SPNS3: variants seen among roughly 807,000 people sequenced by gnomAD.
SPNS3 encodes SPNS lysolipid transporter 3, sphingosine-1-phosphate (putative), also known as protein spinster homolog 3.
Under a neutral mutation model 54.4 loss-of-function variants are expected in SPNS3, and 51 were observed. The observed-to-expected ratio is 0.94, with a 90% confidence interval of 0.75 to 1.18. SPNS3 has a LOEUF of 1.18. SPNS3 is among the 50% of genes most tolerant of loss of function. SPNS3 has a pLI of 0.00. For synonymous variants in SPNS3, 309 were observed against 294.7 expected (o/e 1.05, Z -0.50); for missense variants, 669 against 677.4 (o/e 0.99, Z 0.14).
intron 2 of SPNS3, among the ~76,000 whole-genome samples, chr17:4,442,651 A>C (rs1970882774): frequency 6.6e-6 from 1 of 152,200 alleles, no homozygotes; most frequent in Non-Finnish European, 1.5e-5. Context: ...AATAATATTT[A>C]AAACTAACAC....
chr17:4,452,964 C>T (rs1398150312), intron 7 of SPNS3, 52 bp from the exon 8 acceptor site: 3 of 1,551,842 alleles, frequency 1.9e-6, no homozygotes, highest in African/African-American at 2.7e-5. Flanking sequence ...GATAAGAGTC[C>T]CTATGCTAAG....
intron 7 of SPNS3, among the ~76,000 whole-genome samples, chr17:4,452,639 C>T (rs997611696): frequency 6.6e-6 from 1 of 151,824 alleles, no homozygotes; most frequent in East Asian, 1.9e-4. Context: ...AAGGTTGGGG[C>T]CAGGGTGGGA....
At chr17:4,471,328 C>T (rs550320860) in intron 8 of SPNS3, among the ~76,000 whole-genome samples, 1 of 152,272 alleles carries the variant, frequency 6.6e-6, no homozygotes, top group African/African-American at 2.4e-5. Context: ...TTCTTTATTC[C>T]TGAGTTTTTA....
chr17:4,487,395 A>G (rs333123), intron 11 of SPNS3, among the ~76,000 whole-genome samples: 66,088 of 152,024 alleles, frequency 0.43, 15,039 homozygotes, highest in Middle Eastern at 0.56. Flanking sequence ...GCTGCAGCAG[A>G]AGCAAGAGGG....
chr17:4,447,848 T>C (rs542402561), intron 5 of SPNS3, among the ~76,000 whole-genome samples: 3 of 152,122 alleles, frequency 2.0e-5, no homozygotes, highest in East Asian at 3.9e-4. Flanking sequence ...GTAGCGAGGG[T>C]CCCTGTTCTC....
chr17:4,445,179 A>G lies in SPNS3; in HGVS notation c.402+11A>G. The G allele has an allele frequency of 1.2e-6, 2 of 1,610,172 alleles. No homozygotes were observed. The highest frequency in any genetic ancestry group is 2.2e-5 in the East Asian group (1 of 44,826). On this transcript the variant is annotated intron_variant, in intron 3 of 11. Coordinates refer to ENST00000355530, the MANE Select transcript of SPNS3 (RefSeq NM_182538.5). The stretch of plus-strand genomic sequence containing the variant: ...TTCATCTCCCCCCGGGTACGTGTCC[A>G]TGCCCCTGTCCAGGCCCCTGAGGCC...
intron 8 of SPNS3, among the ~76,000 whole-genome samples, chr17:4,476,464 G>A (rs551141049): frequency 1.3e-3 from 198 of 152,274 alleles, no homozygotes; most frequent in African/African-American, 4.4e-3. Context: ...GGGGGACAGC[G>A]TGCCTGGGCT....
In SPNS3 at chr17:4,487,898, CCCTGCCTACACTCGT is replaced by C; in HGVS notation, c.*12_*26del. The C allele has an allele frequency of 1.2e-6, 2 of 1,613,064 alleles. No homozygotes were observed. The highest frequency in any genetic ancestry group is 1.7e-6 in the Non-Finnish European group (2 of 1,179,140). ...CGCCTCTACAGAGGAGCCCTGAGGT[CCCTGCCTACACTCGT>C]CCTGCCTGCAAGCCTCCCGTTGGTC... On this transcript the variant is annotated 3_prime_UTR_variant, in exon 12 of 12. Transcript: ENST00000355530.
At chr17:4,471,717 C>T (rs777807597) in intron 8 of SPNS3, among the ~76,000 whole-genome samples, 3 of 152,102 alleles carry the variant, frequency 2.0e-5, no homozygotes, top group African/African-American at 4.8e-5. Flanking sequence ...CCACCCTCCT[C>T]GGCCTCCCAA....
intron 8 of SPNS3, among the ~76,000 whole-genome samples, chr17:4,458,713 C>A (rs990643992): frequency 7.4e-5 from 11 of 149,536 alleles, no homozygotes; most frequent in African/African-American, 2.7e-4. Context: ...CAGACAGGGT[C>A]TCCCTGTGTT....
chr17:4,435,462 AAAAAAT>A (rs1970691697), intron 1 of SPNS3, among the ~76,000 whole-genome samples: 2 of 149,156 alleles, frequency 1.3e-5, no homozygotes, highest in African/African-American at 5.0e-5. Context: ...AATAAAAAAT[AAAAAAT>A]AAATAAATAA....
chr17:4,481,274 G>C (rs1196952736), intron 9 of SPNS3, among the ~76,000 whole-genome samples: 2 of 151,968 alleles, frequency 1.3e-5, no homozygotes, highest in Non-Finnish European at 2.9e-5. Flanking sequence ...TCCAGCACTG[G>C]GGGAGGAAGT....
rs950881914 is a variant in SPNS3, at chr17:4,441,034, C to T, written c.265+1311C>T. ...GAGGACAGGCATTATTACTTAGATT[C>T]TACTGTAGACATTTCCCATAAACTG... is the stretch of plus-strand genomic sequence containing the variant. On this transcript the variant is annotated intron_variant, in intron 2 of 11. Coordinates refer to ENST00000355530, the MANE Select transcript of SPNS3 (RefSeq NM_182538.5). Among the ~76,000 whole-genome samples, 5 of 152,286 alleles carry T rather than the reference C, an allele frequency of 3.3e-5. No homozygotes were observed. In the East Asian group the frequency reaches 9.6e-4, roughly 29 times the overall value.
rs942658443 is a variant in SPNS3, at chr17:4,488,017, C to T, written c.*123C>T. On this transcript the variant is annotated 3_prime_UTR_variant, in exon 12 of 12. Coordinates refer to ENST00000355530, the MANE Select transcript of SPNS3 (RefSeq NM_182538.5). ...GAGGCACATCTGCCACTTTTGAATT[C>T]CCGGCTGGAGAGCTGGCAGGACCCT... 11 of 828,940 alleles carry T rather than the reference C, an allele frequency of 1.3e-5. No homozygotes were observed. The allele number at this position is 828,940 out of a possible 1,614,324, so 51.3% of individuals were successfully genotyped here.
intron 8 of SPNS3, among the ~76,000 whole-genome samples, chr17:4,461,050 TC>T (rs921102765): frequency 2.0e-5 from 3 of 152,214 alleles, no homozygotes; most frequent in African/African-American, 4.8e-5. Flanking sequence ...ATTCAAATTT[TC>T]TATTTCTTCT....
chr17:4,457,741 C>T (rs977573835), intron 8 of SPNS3, among the ~76,000 whole-genome samples: 2 of 146,696 alleles, frequency 1.4e-5, no homozygotes, highest in African/African-American at 5.1e-5. Flanking sequence ...GACACAGCTG[C>T]CCCCCCCTCA....
chr17:4,475,113 A>G (rs1038994258), intron 8 of SPNS3, among the ~76,000 whole-genome samples: 1 of 152,116 alleles, frequency 6.6e-6, no homozygotes, highest in East Asian at 1.9e-4. Flanking sequence ...GACTAAAGCC[A>G]GGGACATTTA....
In SPNS3 at chr17:4,435,792, C is replaced by T. The variant is rs11653554; in HGVS notation, c.199+1626C>T. On this transcript the variant is annotated intron_variant, in intron 1 of 11. Coordinates refer to ENST00000355530, the MANE Select transcript of SPNS3 (RefSeq NM_182538.5). ...CATTCAAGACTGATCAGGGGCCAGG[C>T]GTGGTGGCTCACGCCTGTAATCCCA... Among the ~76,000 whole-genome samples, 1,512 of 152,148 alleles carry T rather than the reference C, an allele frequency of 9.9e-3. 11 individuals carry two copies. Among genetic ancestry groups the T allele is most frequent in the Non-Finnish European group, 0.015 (993 of 67,996 alleles).
chr17:4,445,900 G>T (rs1332345041), intron 3 of SPNS3, 148 bp from the exon 4 acceptor site: 1 of 856,554 alleles, frequency 1.2e-6, no homozygotes, highest in African/African-American at 1.7e-5. Context: ...GGAACCTGGA[G>T]TGGAGAGGTG....
Sources: gnomAD v4.1 joint callset for allele counts (sites outside exome capture counted in the v4.1 genomes callset) on GRCh38, gnomAD v4.1.1 for gene constraint, MANE v1.5 for transcripts, NCBI Gene and HGNC (gene_info 2026-07-23, HGNC 2026-07-21) for gene names.